TFB1M: variants seen among roughly 807,000 people sequenced by gnomAD.
TFB1M encodes the protein dimethyladenosine transferase 1, mitochondrial.
A neutral mutation model predicts 31.1 loss-of-function variants in TFB1M; 27 were observed. The ratio of observed to expected loss-of-function variants is 0.87; its 90% CI spans 0.64 to 1.20. The LOEUF (loss-of-function observed/expected upper bound fraction) is 1.20. TFB1M is among the 50% of genes most tolerant of loss of function. The probability of loss-of-function intolerance (pLI) is 0.00; values close to 1 mark genes in which losing one functional copy is unlikely to be tolerated. For synonymous variants in TFB1M, 166 were observed against 151.8 expected (o/e 1.09, Z -0.69); for missense variants, 394 against 418.7 (o/e 0.94, Z 0.51).
intron 5 of TFB1M, chr6:155,276,670 A>C (rs1785239503): frequency 9.8e-6 from 2 of 204,348 alleles, no homozygotes; most frequent in Non-Finnish European, 1.8e-5. Flanking sequence ...TTTTCAAGAT[A>C]ATTTGCTGAT....
chr6:155,292,306 C>G (rs1448634438), intron 4 of TFB1M, among the ~76,000 whole-genome samples: 1 of 152,104 alleles, frequency 6.6e-6, no homozygotes, highest in African/African-American at 2.4e-5. Flanking sequence ...GAGACAGGAA[C>G]AGGAGAGGGA....
the TFB1M span, chr6:155,250,046 C>A: frequency 2.9e-6 from 3 of 1,019,494 alleles, no homozygotes; most frequent in Non-Finnish European, 4.4e-6. Flanking sequence ...GATAGGCTGC[C>A]CTGTTAGGAC....
downstream of TFB1M, chr6:155,255,855 TA>T: frequency 6.6e-6 from 1 of 152,384 alleles, no homozygotes; most frequent in African/African-American, 2.4e-5. Flanking sequence ...AAAAAAAATA[TA>T]AAAATTAGCC....
chr6:155,304,499 G>C (rs1192121154), intron 2 of TFB1M, among the ~76,000 whole-genome samples: 2 of 152,068 alleles, frequency 1.3e-5, no homozygotes, highest in Non-Finnish European at 2.9e-5. Flanking sequence ...AAAATTTTCA[G>C]ACATTAGACA....
chr6:155,238,554 T>G, the TFB1M span, among the ~76,000 whole-genome samples: 3 of 152,236 alleles, frequency 2.0e-5, no homozygotes, highest in Non-Finnish European at 4.4e-5. Flanking sequence ...TACTTGCCCC[T>G]TGAGGTAGGC....
the TFB1M span, among the ~76,000 whole-genome samples, chr6:155,238,198 T>C: frequency 6.6e-6 from 1 of 152,226 alleles, no homozygotes; most frequent in Non-Finnish European, 1.5e-5. Context: ...CGCCAAGCTG[T>C]TGGCTAAAAC....
chr6:155,282,679 T>A (rs1346290122), intron 5 of TFB1M, among the ~76,000 whole-genome samples: 1 of 152,174 alleles, frequency 6.6e-6, no homozygotes, highest in Admixed American at 6.5e-5. Context: ...TAGCCTTGAA[T>A]TAGTTTATCA....
chr6:155,236,899 A>C, the TFB1M span, among the ~76,000 whole-genome samples: 1 of 152,212 alleles, frequency 6.6e-6, no homozygotes, highest in Non-Finnish European at 1.5e-5. Context: ...GTGGGGACAC[A>C]GAGCCAAACC....
chr6:155,264,364 A>C (rs1311351410), intron 5 of TFB1M: 5 of 152,228 alleles, frequency 3.3e-5, no homozygotes, highest in Admixed American at 6.5e-5. Context: ...ATAGAAAAAG[A>C]AAATACTGAC....
intron 2 of TFB1M, among the ~76,000 whole-genome samples, chr6:155,308,774 T>C (rs1362950437): frequency 6.6e-6 from 1 of 152,212 alleles, no homozygotes; most frequent in Non-Finnish European, 1.5e-5. Context: ...AGGTATTTTA[T>C]AAATTATTAC....
In TFB1M at chr6:155,256,842, G is replaced by T; in HGVS notation, c.*994C>A. ...CAGACGTTCACCCCGAGGCTGAGCAGCAGCCTGGCCCGGAGTCGGGTGAGG... is the reference window on the plus strand; with the variant it reads ...CAGACGTTCACCCCGAGGCTGAGCATCAGCCTGGCCCGGAGTCGGGTGAGG... On this transcript the variant is annotated 3_prime_UTR_variant, in exon 7 of 7. Coordinates refer to ENST00000367166, the MANE Select transcript of TFB1M (RefSeq NM_016020.4). The T allele has an allele frequency of 6.2e-7, 1 of 1,614,246 alleles. No individual in the cohort carries two copies. Among genetic ancestry groups the T allele is most frequent in the Non-Finnish European group, 8.5e-7 (1 of 1,180,038 alleles).
Position 155,256,990 on chromosome 6 carries a change from C to T in TFB1M, c.*846G>A. 1 of 1,614,184 alleles carries T rather than the reference C, an allele frequency of 6.2e-7. No homozygotes were observed. Among genetic ancestry groups the T allele is most frequent in the Non-Finnish European group, 8.5e-7 (1 of 1,180,038 alleles). On this transcript the variant is annotated 3_prime_UTR_variant, in exon 7 of 7. Transcript: ENST00000367166. ...CAAGGCGCAGATCCGTCACCAGTCCCTTGACAGTCAGTCTGAAAATGCCAC... is the reference window on the plus strand; with the variant it reads ...CAAGGCGCAGATCCGTCACCAGTCCTTTGACAGTCAGTCTGAAAATGCCAC...
At chr6:155,301,219 T>C (rs1376753007) in intron 2 of TFB1M, among the ~76,000 whole-genome samples, 5 of 152,192 alleles carry the variant, frequency 3.3e-5, no homozygotes, top group Admixed American at 6.5e-5. Flanking sequence ...TTCTTGACAA[T>C]TTGTAGCTTG....
rs1213939199 is a variant in TFB1M at position 155,266,846 on chromosome 6, C to CAAAA, written c.667-6450_667-6447dup. On this transcript the variant is annotated intron_variant, in intron 5 of 6. Coordinates refer to ENST00000367166, the MANE Select transcript of TFB1M (RefSeq NM_016020.4). The stretch of plus-strand genomic sequence containing the variant: ...TGGGCGACAGAGCGAGACTCCGTCT[C>CAAAA]AAAAAAAAAAAAAAAAAAAAAAAAA... 6.7e-4 allele frequency among the ~76,000 whole-genome samples: 42 copies of CAAAA among 62,836 alleles called. 1 individual carries two copies. The highest frequency in any genetic ancestry group is 2.5e-3 in the African/African-American group (40 of 16,256). 41.2% of individuals were successfully genotyped at this position (62,836 alleles called of 152,430 possible).
At chr6:155,273,742 T>C (rs561582823) in intron 5 of TFB1M, among the ~76,000 whole-genome samples, 1 of 152,144 alleles carries the variant, frequency 6.6e-6, no homozygotes, top group African/African-American at 2.4e-5. Context: ...TGGAGAGAGA[T>C]CTGGACGCTG....
At position 155,256,538 on chromosome 6, in the gene TFB1M, G is replaced by T; in HGVS notation, c.*1298C>A. The T allele has an allele frequency of 6.2e-7, 1 of 1,614,212 alleles. No homozygotes were observed. The highest frequency in any genetic ancestry group is 1.1e-5 in the South Asian group (1 of 91,078). ...AATTCCTCCAGCAACGAGTGGACCGGTGAGACTGGCAAGGGAACCTTGCTG... is the reference window on the plus strand; with the variant it reads ...AATTCCTCCAGCAACGAGTGGACCGTTGAGACTGGCAAGGGAACCTTGCTG... On this transcript the variant is annotated 3_prime_UTR_variant, in exon 7 of 7. Transcript: ENST00000367166.
the TFB1M span, chr6:155,240,676 G>A: frequency 1.9e-6 from 3 of 1,613,464 alleles, no homozygotes; most frequent in Non-Finnish European, 2.5e-6. Context: ...AAGTCATCCA[G>A]GAGCTTGTGG....
In TFB1M at chr6:155,276,020, G is replaced by A. The variant is rs1322796618; in HGVS notation, c.666+9138C>T. 3 of 1,614,172 alleles carry A rather than the reference G, an allele frequency of 1.9e-6. No homozygotes were observed. In the Admixed American group the frequency reaches 5.0e-5, roughly 27 times the overall value. ...TTTGGGGATCTGCACTTCCACAGTA[G>A]GAATGAAATGTACTCGCTTAGGAGG... On this transcript the variant is annotated intron_variant, in intron 5 of 6. Transcript: ENST00000367166.
At chr6:155,266,969 C>A (rs1260526492) in intron 5 of TFB1M, among the ~76,000 whole-genome samples, 1 of 132,250 alleles carries the variant, frequency 7.6e-6, no homozygotes, top group East Asian at 2.6e-4. Flanking sequence ...TACTTTGCTG[C>A]CTTTTTTTTT....
Sources: allele counts gnomAD v4.1 joint callset (sites outside exome capture counted in the v4.1 genomes callset), GRCh38; gene constraint gnomAD v4.1.1; transcripts MANE v1.5; gene names NCBI Gene and HGNC (gene_info 2026-07-23, HGNC 2026-07-21).